The following NDST4 variants were observed in gnomAD, a reference collection of about 807,000 sequenced individuals.
NDST4 encodes the protein N-deacetylase and N-sulfotransferase 4.
NDST4 carries 63 observed loss-of-function variants against 100.8 expected under a neutral mutation model. The ratio of observed to expected loss-of-function variants is 0.62; its 90% CI spans 0.51 to 0.77. The LOEUF is 0.77. Among genes scored for constraint, NDST4 ranks in the 30% least tolerant of loss-of-function variants. NDST4 has a pLI of 0.00. For synonymous variants in NDST4, 377 were observed against 361.8 expected, an observed-to-expected ratio of 1.04 and a Z score of -0.48; for missense variants, 943 against 1,018.4, an observed-to-expected ratio of 0.93 and a Z score of 1.01.
At chr4:115,069,421 A>G (rs1729023735) in intron 2 of NDST4, among the ~76,000 whole-genome samples, 1 of 152,212 alleles carries the variant, frequency 6.6e-6, no homozygotes, top group African/African-American at 2.4e-5. Flanking sequence ...AAGGTCTAAT[A>G]TCCAGTATCT....
intron 1 of NDST4, among the ~76,000 whole-genome samples, chr4:115,088,604 T>C (rs185259473): frequency 3.6e-4 from 54 of 152,034 alleles, no homozygotes; most frequent in African/African-American, 1.1e-3. Flanking sequence ...GTTTAGCTCA[T>C]GCCCATGTTC....
chr4:115,020,001 G>A (rs1396115966), intron 2 of NDST4, among the ~76,000 whole-genome samples: 7 of 152,104 alleles, frequency 4.6e-5, no homozygotes, highest in East Asian at 1.9e-4. Context: ...AATTGATACC[G>A]AAGAGTGGGA....
intron 6 of NDST4, among the ~76,000 whole-genome samples, chr4:114,933,451 T>C (rs1474749996): frequency 2.3e-5 from 3 of 127,874 alleles, no homozygotes; most frequent in East Asian, 8.5e-4. Flanking sequence ...TTTTTTTTTT[T>C]TTTGTGTGTA....
rs1227310987 is a variant in NDST4, at chr4:114,929,041, T to TGTCCGTCCGTCCGTCC, written c.1536+6149_1536+6164dup. ...CTATCTATCTGTCTGTCTGTCTGTC[T>TGTCCGTCCGTCCGTCC]GTCCGTCCGTCCGTCCGTCCGTCCG... On this transcript the variant is annotated intron_variant, in intron 6 of 13. Transcript: ENST00000264363. 8.9e-4 allele frequency among the ~76,000 whole-genome samples: 109 copies of TGTCCGTCCGTCCGTCC among 122,030 alleles called. 1 individual carries two copies. Among genetic ancestry groups the TGTCCGTCCGTCCGTCC allele is most frequent in the Admixed American group, 4.1e-3 (48 of 11,750 alleles). 80.1% of individuals were successfully genotyped at this position (122,030 alleles called of 152,430 possible). A position where few individuals can be genotyped will look rare whatever the true frequency, so the allele number is the denominator to read the frequency against.
At chr4:114,886,725 A>G (rs1399928374) in intron 6 of NDST4, among the ~76,000 whole-genome samples, 1 of 152,128 alleles carries the variant, frequency 6.6e-6, no homozygotes, top group Non-Finnish European at 1.5e-5. Flanking sequence ...GCTTTATTCA[A>G]TAAGAAAATA....
chr4:114,843,176 A>T (rs1049412096), intron 10 of NDST4, among the ~76,000 whole-genome samples: 5 of 152,164 alleles, frequency 3.3e-5, no homozygotes, highest in African/African-American at 1.2e-4. Context: ...TTGTATACAT[A>T]TTTCGTTTTA....
chr4:114,959,129 T>C (rs1726204676), intron 4 of NDST4, among the ~76,000 whole-genome samples: 1 of 152,202 alleles, frequency 6.6e-6, no homozygotes, highest in South Asian at 2.1e-4. Flanking sequence ...CACTTCAGAC[T>C]GGACTTCATT....
At chr4:114,859,861 T>A (rs1723880958) in intron 7 of NDST4, among the ~76,000 whole-genome samples, 1 of 152,222 alleles carries the variant, frequency 6.6e-6, no homozygotes, top group South Asian at 2.1e-4. Context: ...CTTATAGGTT[T>A]TTCCTGAAAG....
chr4:114,964,093 C>G (rs956138764), intron 4 of NDST4, among the ~76,000 whole-genome samples: 1 of 152,108 alleles, frequency 6.6e-6, no homozygotes, highest in Non-Finnish European at 1.5e-5. Flanking sequence ...TTTTTCTCTT[C>G]CTCTCTCAGA....
chr4:115,023,584 G>T (rs1727910205), intron 2 of NDST4, among the ~76,000 whole-genome samples: 1 of 151,024 alleles, frequency 6.6e-6, no homozygotes, highest in African/African-American at 2.4e-5. Context: ...CATACAGTAA[G>T]ATGCAAGAGA....
At chr4:114,896,467 G>A (rs1242467015) in intron 6 of NDST4, among the ~76,000 whole-genome samples, 5 of 151,418 alleles carry the variant, frequency 3.3e-5, no homozygotes, top group Admixed American at 1.3e-4. Context: ...ACTAAAAAAT[G>A]CAAAAAATTA....
intron 12 of NDST4, among the ~76,000 whole-genome samples, chr4:114,832,954 A>G (rs1723231034): frequency 1.3e-5 from 2 of 152,186 alleles, no homozygotes; most frequent in South Asian, 4.1e-4. Flanking sequence ...TTCAGGTCCC[A>G]GTCATCTGAG....
chr4:115,084,470 T>A (rs1429941474), intron 1 of NDST4, among the ~76,000 whole-genome samples: 2 of 152,086 alleles, frequency 1.3e-5, no homozygotes, highest in Non-Finnish European at 2.9e-5. Context: ...GGGGAAAACA[T>A]CTTCAGGGCA....
At chr4:115,081,277 C>T (rs1729297386) in intron 1 of NDST4, among the ~76,000 whole-genome samples, 1 of 152,132 alleles carries the variant, frequency 6.6e-6, no homozygotes, top group Non-Finnish European at 1.5e-5. Context: ...TTATCCTTCC[C>T]ATTCAATTCT....
chr4:115,010,692 A>T (rs943165937), intron 2 of NDST4, among the ~76,000 whole-genome samples: 8 of 67,296 alleles, frequency 1.2e-4, no homozygotes, highest in African/African-American at 4.0e-4. Context: ...ATAATAATAA[A>T]AAAAAGAATA....
At chr4:114,958,818 T>C (rs1005593612) in intron 4 of NDST4, among the ~76,000 whole-genome samples, 1 of 152,232 alleles carries the variant, frequency 6.6e-6, no homozygotes, top group Non-Finnish European at 1.5e-5. Flanking sequence ...TTCTACTGCA[T>C]AGTCATGCTG....
At chr4:114,971,786 G>T (rs936240946) in intron 3 of NDST4, among the ~76,000 whole-genome samples, 2 of 152,068 alleles carry the variant, frequency 1.3e-5, no homozygotes, top group African/African-American at 4.8e-5. Context: ...GGTCATGAGA[G>T]TAGCTCCATG....
intron 2 of NDST4, among the ~76,000 whole-genome samples, chr4:115,056,453 T>A (rs1180261650): frequency 4.6e-5 from 7 of 152,202 alleles, no homozygotes; most frequent in Admixed American, 4.6e-4. Flanking sequence ...CTAACTTAGT[T>A]TCAAACAACT....
intron 11 of NDST4, among the ~76,000 whole-genome samples, chr4:114,837,313 CTTTATG>C (rs1723325703): frequency 6.6e-6 from 1 of 151,730 alleles, no homozygotes; most frequent in African/African-American, 2.4e-5. Context: ...TGTGGGGGTA[CTTTATG>C]TTGATGTTGA....
Sources: allele counts gnomAD v4.1 joint callset (sites outside exome capture counted in the v4.1 genomes callset), GRCh38; gene constraint gnomAD v4.1.1; transcripts MANE v1.5; gene names NCBI Gene and HGNC (gene_info 2026-07-23, HGNC 2026-07-21).